ENOX1: variants seen among roughly 807,000 people sequenced by gnomAD.
ENOX1 encodes ecto-NOX disulfide-thiol exchanger 1, also known as candidate growth-related and time keeping constitutive hydroquinone (NADH) oxidase.
A neutral mutation model predicts 82.5 loss-of-function variants in ENOX1; 42 were observed. The ratio of observed to expected loss-of-function variants is 0.51; its 90% CI spans 0.40 to 0.66. The LOEUF (loss-of-function observed/expected upper bound fraction) is 0.66. Ranked by LOEUF, ENOX1 falls within the 30% of genes least tolerant of loss-of-function variation. ENOX1 has a pLI of 0.00. For synonymous variants in ENOX1, 271 were observed against 282.2 expected, an observed-to-expected ratio of 0.96 and a Z score of 0.40; for missense variants, 608 against 811.6, an observed-to-expected ratio of 0.75 and a Z score of 3.05.
intron 3 of ENOX1, among the ~76,000 whole-genome samples, chr13:43,438,186 A>G (rs1180641976): frequency 6.6e-6 from 1 of 152,204 alleles, no homozygotes; most frequent in East Asian, 1.9e-4. Flanking sequence ...ACCAAATGGA[A>G]TATTTTAAAT....
chr13:43,600,689 C>T (rs1482193601), intron 2 of ENOX1, among the ~76,000 whole-genome samples: 1 of 152,168 alleles, frequency 6.6e-6, no homozygotes, highest in Non-Finnish European at 1.5e-5. Flanking sequence ...CAAGTGGTAT[C>T]CAGGCACTGG....
At chr13:43,391,971 G>T (rs191571231) in intron 5 of ENOX1, among the ~76,000 whole-genome samples, 48 of 152,226 alleles carry the variant, frequency 3.2e-4, no homozygotes, top group African/African-American at 1.1e-3. Context: ...CACATAACCA[G>T]TTCCACCTCA....
At chr13:43,337,721 ATTC>A (rs560676246) in intron 9 of ENOX1, among the ~76,000 whole-genome samples, 28 of 152,222 alleles carry the variant, frequency 1.8e-4, no homozygotes, top group South Asian at 8.3e-4. Context: ...CATTTATAAT[ATTC>A]TTAATTTTCA....
In ENOX1 at chr13:43,424,004, G is replaced by A. The variant is rs899280210; in HGVS notation, c.-74-11016C>T. On this transcript the variant is annotated intron_variant, in intron 3 of 16. Transcript: ENST00000690772. ...ACAGGAAAGAGTCGTCTTGAGGAAG[G>A]GATAAGGCCTCTGGGACAAGATTTC... Among the ~76,000 whole-genome samples the A allele has an allele frequency of 2.6e-5, 4 of 152,276 alleles. No homozygotes were observed. The South Asian group carries it at 8.3e-4, about 32-fold the overall frequency.
chr13:43,702,689 G>A (rs986168436), intron 1 of ENOX1, among the ~76,000 whole-genome samples: 3 of 152,142 alleles, frequency 2.0e-5, no homozygotes, highest in Admixed American at 2.0e-4. Context: ...AGTGGTTCAT[G>A]CCTGTAATAC....
intron 1 of ENOX1, among the ~76,000 whole-genome samples, chr13:43,745,460 A>G (rs564945820): frequency 2.0e-5 from 3 of 152,360 alleles, no homozygotes; most frequent in Middle Eastern, 3.4e-3. Context: ...AATTGTGGAC[A>G]TATCAGTTTT....
chr13:43,331,009 A>G (rs577883876), intron 9 of ENOX1, among the ~76,000 whole-genome samples: 2 of 152,334 alleles, frequency 1.3e-5, no homozygotes, highest in Admixed American at 1.3e-4. Flanking sequence ...ACAGACTATC[A>G]TGAGAAGCGC....
At chr13:43,736,645 T>A (rs541459090) in intron 1 of ENOX1, among the ~76,000 whole-genome samples, 1 of 152,218 alleles carries the variant, frequency 6.6e-6, no homozygotes, top group African/African-American at 2.4e-5. Context: ...CCTCTAGACC[T>A]AGAGTAAGAT....
intron 2 of ENOX1, among the ~76,000 whole-genome samples, chr13:43,660,215 G>A (rs2084652659): frequency 6.6e-6 from 1 of 152,172 alleles, no homozygotes; most frequent in South Asian, 2.1e-4. Context: ...AAGTAAGTTA[G>A]CAGTCATCCA....
chr13:43,411,288 T>C lies in ENOX1; in HGVS notation c.208+628A>G, dbSNP rs2054110988. Among the ~76,000 whole-genome samples the C allele has an allele frequency of 3.3e-5, 5 of 152,346 alleles. 1 individual carries two copies. The South Asian group carries it at 1.0e-3, about 32-fold the overall frequency. ...CTCAAAGCACTTTTTACAGGACACA[T>C]GTAAAATCCTCAGCAAACACCTGTT... is the stretch of plus-strand genomic sequence containing the variant. On this transcript the variant is annotated intron_variant, in intron 5 of 16. Coordinates refer to ENST00000690772, the MANE Select transcript of ENOX1 (RefSeq NM_001347969.2).
intron 2 of ENOX1, among the ~76,000 whole-genome samples, chr13:43,585,565 T>C (rs1275569141): frequency 2.0e-5 from 3 of 152,126 alleles, no homozygotes; most frequent in African/African-American, 7.2e-5. Flanking sequence ...CCTAAATTCT[T>C]TTAAGTTTTG....
intron 6 of ENOX1, 71 bp from the exon 7 acceptor site, chr13:43,360,128 T>C: frequency 7.1e-7 from 1 of 1,408,482 alleles, no homozygotes; most frequent in Admixed American, 1.8e-5. Flanking sequence ...CTGGCAAAAC[T>C]AAAGCTTGCA....
chr13:43,284,862 CAGAA>C (rs1292690650), intron 12 of ENOX1, among the ~76,000 whole-genome samples: 7 of 148,298 alleles, frequency 4.7e-5, no homozygotes, highest in African/African-American at 1.5e-4. Context: ...AGAGAAGAAA[CAGAA>C]AGCGCAAAAA....
intron 2 of ENOX1, among the ~76,000 whole-genome samples, chr13:43,585,529 C>T (rs2080937106): frequency 6.6e-6 from 1 of 152,204 alleles, no homozygotes; most frequent in South Asian, 2.1e-4. Flanking sequence ...TGCCACTTGA[C>T]TTGCCAAGAC....
At chr13:43,638,573 G>C (rs532593227) in intron 2 of ENOX1, among the ~76,000 whole-genome samples, 26 of 152,276 alleles carry the variant, frequency 1.7e-4, no homozygotes, top group African/African-American at 5.3e-4. Flanking sequence ...ATAGTAAAAG[G>C]TAACAGAACC....
chr13:43,583,954 T>A (rs2080864549), intron 2 of ENOX1, among the ~76,000 whole-genome samples: 1 of 152,102 alleles, frequency 6.6e-6, no homozygotes, highest in South Asian at 2.1e-4. Flanking sequence ...AAAAGCAAAC[T>A]GAAGACTTGC....
intron 1 of ENOX1, among the ~76,000 whole-genome samples, chr13:43,755,937 G>C (rs1950618710): frequency 6.6e-6 from 1 of 152,158 alleles, no homozygotes; most frequent in Non-Finnish European, 1.5e-5. Context: ...GAATTAACTA[G>C]CAAATAAAGA....
At chr13:43,333,045 A>AAT (rs1321023623) in intron 9 of ENOX1, among the ~76,000 whole-genome samples, 2 of 152,240 alleles carry the variant, frequency 1.3e-5, no homozygotes, top group Non-Finnish European at 2.9e-5. Flanking sequence ...CAAAGGTGCT[A>AAT]ATATTATATA....
At chr13:43,617,838 C>G (rs1452565429) in intron 2 of ENOX1, among the ~76,000 whole-genome samples, 1 of 152,204 alleles carries the variant, frequency 6.6e-6, no homozygotes, top group Non-Finnish European at 1.5e-5. Flanking sequence ...TACATTCCCA[C>G]AAGAAGTGTA....
Sources: allele counts gnomAD v4.1 joint callset (sites outside exome capture counted in the v4.1 genomes callset), GRCh38; gene constraint gnomAD v4.1.1; transcripts MANE v1.5; gene names NCBI Gene and HGNC (gene_info 2026-07-23, HGNC 2026-07-21).